DAB1: variants seen among roughly 807,000 people sequenced by gnomAD.
DAB1 encodes disabled homolog 1.
A neutral mutation model predicts 64.6 loss-of-function variants in DAB1; 15 were observed. The observed-to-expected ratio is 0.23, with a 90% confidence interval of 0.16 to 0.36. The LOEUF (loss-of-function observed/expected upper bound fraction) is 0.36. Among genes scored for constraint, DAB1 ranks in the 10% least tolerant of loss-of-function variants. DAB1 has a pLI of 1.00. For synonymous variants in DAB1, 235 were observed against 251.9 expected, an observed-to-expected ratio of 0.93 and a Z score of 0.64; for missense variants, 596 against 706.7, an observed-to-expected ratio of 0.84 and a Z score of 1.78.
chr1:57,005,951 T>C (rs1038708074), intron 14 of DAB1, among the ~76,000 whole-genome samples: 2 of 152,236 alleles, frequency 1.3e-5, no homozygotes, highest in East Asian at 3.8e-4. Flanking sequence ...TCTGCAGTGG[T>C]TCTAGAAACA....
intron 5 of DAB1, among the ~76,000 whole-genome samples, chr1:58,018,407 T>C (rs1043920924): frequency 6.6e-6 from 1 of 152,160 alleles, no homozygotes; most frequent in Non-Finnish European, 1.5e-5. Context: ...TAACAAACCC[T>C]ACCTCCCTAG....
intron 2 of DAB1, among the ~76,000 whole-genome samples, chr1:58,514,816 TA>T (rs1373560605): frequency 6.6e-6 from 1 of 152,138 alleles, no homozygotes; most frequent in African/African-American, 2.4e-5. Context: ...CAGGCAAATA[TA>T]AGATGGAAAG....
intron 5 of DAB1, among the ~76,000 whole-genome samples, chr1:58,145,667 C>T (rs1266721489): frequency 6.6e-6 from 1 of 152,188 alleles, no homozygotes; most frequent in Non-Finnish European, 1.5e-5. Context: ...AGTCACTCAG[C>T]TTTTATCATG....
chr1:58,347,361 G>A (rs1372298945), intron 3 of DAB1, among the ~76,000 whole-genome samples: 3 of 152,202 alleles, frequency 2.0e-5, no homozygotes, highest in Non-Finnish European at 4.4e-5. Flanking sequence ...ACCCGCCTCA[G>A]CTTCCCAAAG....
At chr1:58,242,230 T>C (rs113472716) in intron 4 of DAB1, among the ~76,000 whole-genome samples, 9 of 152,114 alleles carry the variant, frequency 5.9e-5, no homozygotes, top group South Asian at 2.1e-4. Context: ...ATGCAAAAAA[T>C]GTATAATGAT....
intron 1 of DAB1, among the ~76,000 whole-genome samples, chr1:58,531,036 C>A (rs769051891): frequency 8.5e-5 from 13 of 152,150 alleles, no homozygotes; most frequent in Non-Finnish European, 1.5e-4. Flanking sequence ...ATTATCCCTA[C>A]ATTTATAGAT....
chr1:58,154,164 C>T (rs1264909282), intron 4 of DAB1, among the ~76,000 whole-genome samples: 2 of 152,042 alleles, frequency 1.3e-5, no homozygotes, highest in African/African-American at 4.8e-5. Flanking sequence ...TCCTTTGAAA[C>T]CTCCTTTGGT....
chr1:58,147,414 C>T (rs972508536), intron 5 of DAB1, among the ~76,000 whole-genome samples: 10 of 150,796 alleles, frequency 6.6e-5, no homozygotes, highest in Non-Finnish European at 1.5e-4. Flanking sequence ...GTCAGGAGAT[C>T]GAGACCATCC....
intron 6 of DAB1, among the ~76,000 whole-genome samples, chr1:57,692,761 C>T (rs1337531763): frequency 6.6e-6 from 1 of 152,174 alleles, no homozygotes; most frequent in Non-Finnish European, 1.5e-5. Context: ...TCACCAAAAC[C>T]GTGGAGGCCT....
chr1:57,902,363 C>A (rs1425869658), intron 5 of DAB1, among the ~76,000 whole-genome samples: 1 of 151,994 alleles, frequency 6.6e-6, no homozygotes. Context: ...TGTTTACCCC[C>A]AAATTATTTT....
chr1:58,403,875 T>C (rs1216046746), intron 3 of DAB1, among the ~76,000 whole-genome samples: 1 of 152,224 alleles, frequency 6.6e-6, no homozygotes, highest in Admixed American at 6.5e-5. Context: ...ATTTTGAACC[T>C]TGATCTCCTG....
chr1:57,031,666 A>G (rs944909322), intron 9 of DAB1, among the ~76,000 whole-genome samples: 2 of 152,224 alleles, frequency 1.3e-5, no homozygotes, highest in African/African-American at 4.8e-5. Flanking sequence ...TCACTTTACC[A>G]AACCTTAGTT....
Position 57,758,751 on chromosome 1 carries a change from G to GT in DAB1, n.552-109087dup, listed in dbSNP as rs975514187. ...CCATGCCATCCTGGAAAATAGTTTT[G>GT]TTTTTTTTTTATTTTGTGAAAAACA... On this transcript the variant is annotated intron_variant and non_coding_transcript_variant, in intron 6 of 20. Coordinates refer to the DAB1 transcript ENST00000485760. 3.9e-3 allele frequency among the ~76,000 whole-genome samples: 577 copies of GT among 147,922 alleles called. 3 individuals carry two copies. Among genetic ancestry groups the GT allele is most frequent in the African/African-American group, 0.013 (515 of 40,432 alleles).
intron 6 of DAB1, among the ~76,000 whole-genome samples, chr1:57,674,716 G>A (rs947092265): frequency 3.9e-5 from 6 of 151,948 alleles, no homozygotes; most frequent in African/African-American, 1.2e-4. Flanking sequence ...ATACTATTTC[G>A]GCCTCTGTCT....
intron 3 of DAB1, among the ~76,000 whole-genome samples, chr1:58,492,140 T>G (rs536966220): frequency 6.6e-6 from 1 of 152,108 alleles, no homozygotes; most frequent in East Asian, 1.9e-4. Context: ...ACATGGCAAC[T>G]GAACAACATG....
intron 7 of DAB1, among the ~76,000 whole-genome samples, chr1:57,593,501 A>G (rs1352301903): frequency 6.6e-6 from 1 of 152,210 alleles, no homozygotes; most frequent in African/African-American, 2.4e-5. Context: ...AAAACCATAC[A>G]TGGAAGTTTA....
At chr1:57,569,940 C>T (rs1326117812) in intron 7 of DAB1, among the ~76,000 whole-genome samples, 2 of 152,014 alleles carry the variant, frequency 1.3e-5, no homozygotes, top group Non-Finnish European at 2.9e-5. Context: ...TTATTATTGT[C>T]TTTATTTGAA....
At chr1:57,021,491 T>A (rs968876734) in intron 11 of DAB1, among the ~76,000 whole-genome samples, 4 of 152,184 alleles carry the variant, frequency 2.6e-5, no homozygotes, top group Non-Finnish European at 5.9e-5. Context: ...TCTCATGAGA[T>A]CTGATGGTTT....
At chr1:57,085,783 G>T (rs1441240197) in intron 4 of DAB1, among the ~76,000 whole-genome samples, 3 of 152,262 alleles carry the variant, frequency 2.0e-5, no homozygotes, top group African/African-American at 7.2e-5. Context: ...TATGACACTT[G>T]GGGGCGGGGG....
Sources: gnomAD v4.1 joint callset for allele counts (sites outside exome capture counted in the v4.1 genomes callset) on GRCh38, gnomAD v4.1.1 for gene constraint, MANE v1.5 for transcripts, NCBI Gene and HGNC (gene_info 2026-07-23, HGNC 2026-07-21) for gene names.